DRG2: variants seen among roughly 807,000 people sequenced by gnomAD.
DRG2 encodes the protein developmentally-regulated GTP-binding protein 2.
In DRG2, 36 loss-of-function variants were observed where a neutral mutation model predicts 53.4. The ratio of observed to expected loss-of-function variants is 0.67; its 90% CI spans 0.52 to 0.89. DRG2 has a LOEUF of 0.89. Ranked by LOEUF, DRG2 falls within the 40% of genes least tolerant of loss-of-function variation. The pLI is 0.00. For missense variants in DRG2, 342 were observed against 481.2 expected (o/e 0.71, Z 2.71); for synonymous variants, 167 against 192.1 (o/e 0.87, Z 1.08).
intron 2 of DRG2, among the ~76,000 whole-genome samples, chr17:18,095,027 C>G (rs1243421787): frequency 2.2e-5 from 3 of 135,800 alleles, no homozygotes; most frequent in Non-Finnish European, 4.7e-5. Flanking sequence ...GGAAGTTGCT[C>G]TGTTTAGCGT....
At position 18,099,846 on chromosome 17, in the gene DRG2, G is replaced by A; in HGVS notation, c.467+123G>A. 2 of 983,136 alleles carry A rather than the reference G, an allele frequency of 2.0e-6. No homozygotes were observed. Among genetic ancestry groups the A allele is most frequent in the Non-Finnish European group, 3.1e-6 (2 of 650,752 alleles). The allele number at this position is 983,136 out of a possible 1,614,324, so 60.9% of individuals were successfully genotyped here. ...ACACGTGAGAGTAGTGGTAGGACTT[G>A]TCACAGACTAAACCCAACACCACCC... On this transcript the variant is annotated intron_variant, in intron 5 of 12. Transcript: ENST00000225729. This position sits in a 1 kb window ranked among gnomAD's most constrained non-coding sequence, Gnocchi z 4.4.
rs2045479466 is a variant in DRG2, at chr17:18,098,969, C to T, written c.316-48C>T. On this transcript the variant is annotated intron_variant, in intron 3 of 12. Coordinates refer to ENST00000225729, the MANE Select transcript of DRG2 (RefSeq NM_001388.5). The surrounding 1 kb of genome is among the most constrained non-coding windows in gnomAD (Gnocchi z 4.1). The stretch of plus-strand genomic sequence containing the variant: ...GTCCCAGATCCAGACAGGACCTTTC[C>T]AGTGGAGGCCCAGCCTTGCCTTACC... 1 of 1,606,574 alleles carries T rather than the reference C, an allele frequency of 6.2e-7. No individual in the cohort carries two copies. The highest frequency in any genetic ancestry group is 8.5e-7 in the Non-Finnish European group (1 of 1,173,798).
Position 18,100,720 on chromosome 17 carries a change from A to G in DRG2, c.631+61A>G. On this transcript the variant is annotated intron_variant, in intron 7 of 12. Coordinates refer to ENST00000225729, the MANE Select transcript of DRG2 (RefSeq NM_001388.5). The surrounding 1 kb of genome is among the most constrained non-coding windows in gnomAD (Gnocchi z 4.1). ...CCACCACCGTCAGCGCAGCGGGGGG[A>G]CTGACTAAGACAGGAGGCCTCATGG... 1 of 1,506,046 alleles carries G rather than the reference A, an allele frequency of 6.6e-7. No homozygotes were observed. 93.3% of individuals were successfully genotyped at this position (1,506,046 alleles called of 1,614,324 possible).
intron 1 of DRG2, 84 bp downstream of exon 1, chr17:18,088,171 T>C (rs1197900066): frequency 2.7e-6 from 4 of 1,464,144 alleles, no homozygotes; most frequent in Non-Finnish European, 3.7e-6. Context: ...CCAGCAGTAA[T>C]GCTGGGGCAA....
chr17:18,105,127 G>T (rs1237884057), intron 11 of DRG2, among the ~76,000 whole-genome samples: 1 of 152,140 alleles, frequency 6.6e-6, no homozygotes. Flanking sequence ...GCAGTGAAGA[G>T]TTGGGGTGGG....
intron 11 of DRG2, among the ~76,000 whole-genome samples, chr17:18,104,900 G>A (rs1340964716): frequency 6.6e-6 from 1 of 152,178 alleles, no homozygotes; most frequent in African/African-American, 2.4e-5. Flanking sequence ...GGGGTGTGCT[G>A]CCTGCCCCCT....
In DRG2 at chr17:18,104,756, G is replaced by GC. The variant is rs1193491225; in HGVS notation, c.954+78dup. 8.7e-6 allele frequency: 14 copies of GC among 1,606,934 alleles called. No homozygotes were observed. The Admixed American group carries it at 2.3e-4, about 27-fold the overall frequency. The stretch of plus-strand genomic sequence containing the variant: ...TTTGGGGCTCTGTTCTGCCTGAGGT[G>GC]CCCTGGGCTGGGGGTGGGCTCTGCT... On this transcript the variant is annotated intron_variant, in intron 11 of 12. Transcript: ENST00000225729.
At position 18,099,018 on chromosome 17, in the gene DRG2, A is replaced by G; in HGVS notation, c.317A>G (p.Tyr106Cys). Residue 106 changes from tyrosine (Y) to cysteine (C), a missense_variant and splice_region_variant, in exon 4 of 13, where the codon TAC (tyrosine) becomes TGC (cysteine). Coordinates refer to ENST00000225729, the MANE Select transcript of DRG2 (RefSeq NM_001388.5). This position sits in a 1 kb window ranked among gnomAD's most constrained non-coding sequence, Gnocchi z 4.4. Reference protein sequence around the residue: ...TLTCIPGVIEYKGANIQLLDL... With the variant: ...TLTCIPGVIECKGANIQLLDL... ...CCTTTCTTCTCTTCTGCATCCTAGT[A>G]CAAAGGTGCCAACATCCAGCTCCTG... The G allele has an allele frequency of 6.2e-7, 1 of 1,614,024 alleles. No homozygotes were observed. The highest frequency in any genetic ancestry group is 8.5e-7 in the Non-Finnish European group (1 of 1,179,972).
intron 1 of DRG2, among the ~76,000 whole-genome samples, chr17:18,088,937 G>C (rs776964375): frequency 5.9e-5 from 9 of 152,150 alleles, no homozygotes; most frequent in Non-Finnish European, 1.0e-4. Flanking sequence ...ATGGGACAGT[G>C]AGAACAATCT....
chr17:18,091,459 GC>G (rs2045332720), intron 1 of DRG2, among the ~76,000 whole-genome samples: 1 of 152,112 alleles, frequency 6.6e-6, no homozygotes, highest in South Asian at 2.1e-4. Flanking sequence ...GGTGGCACCA[GC>G]CTGTAGTCCC....
intron 1 of DRG2, among the ~76,000 whole-genome samples, chr17:18,090,523 T>C (rs2045316639): frequency 6.9e-6 from 1 of 144,800 alleles, no homozygotes; most frequent in Admixed American, 7.2e-5. Flanking sequence ...TTCAAGGGAT[T>C]CTCCTGCCTC....
chr17:18,098,958 C>A lies in DRG2; in HGVS notation c.316-59C>A. 2 of 1,595,734 alleles carry A rather than the reference C, an allele frequency of 1.3e-6. No homozygotes were observed. Among genetic ancestry groups the A allele is most frequent in the East Asian group, 2.2e-5 (1 of 44,724 alleles). ...CCATTCCAGATGTCCCAGATCCAGA[C>A]AGGACCTTTCCAGTGGAGGCCCAGC... is the stretch of plus-strand genomic sequence containing the variant. On this transcript the variant is annotated intron_variant, in intron 3 of 12. Coordinates refer to ENST00000225729, the MANE Select transcript of DRG2 (RefSeq NM_001388.5). This position sits in a 1 kb window ranked among gnomAD's most constrained non-coding sequence, Gnocchi z 4.1.
rs1023261980 is a variant in DRG2, at chr17:18,087,984, C to G, written c.-40C>G. 1 of 1,542,588 alleles carries G rather than the reference C, an allele frequency of 6.5e-7. No homozygotes were observed. The highest frequency in any genetic ancestry group is 1.4e-5 in the African/African-American group (1 of 72,660). ...GCCGTCAGACCGGAATTGCCGGTGC[C>G]GCCGCCACCGCTGTCTGTGCGCCCA... On this transcript the variant is annotated 5_prime_UTR_variant, in exon 1 of 13. Coordinates refer to ENST00000225729, the MANE Select transcript of DRG2 (RefSeq NM_001388.5).
rs1297444297 is a variant in DRG2, at chr17:18,098,904, G to A, written c.316-113G>A. 2 of 1,230,144 alleles carry A rather than the reference G, an allele frequency of 1.6e-6. No homozygotes were observed. Among genetic ancestry groups the A allele is most frequent in the East Asian group, 4.7e-5 (2 of 42,456 alleles). The allele number at this position is 1,230,144 out of a possible 1,614,324, so 76.2% of individuals were successfully genotyped here. On this transcript the variant is annotated intron_variant, in intron 3 of 12. Transcript: ENST00000225729. The surrounding 1 kb of genome is among the most constrained non-coding windows in gnomAD (Gnocchi z 4.1). ...CAGACTTGGCCACAGGTTGGCATCT[G>A]GGTTTCCCTCAGCCCCTGAGCCCCG...
Position 18,100,637 on chromosome 17 carries a change from G to A in DRG2, c.609G>A (p.Val203=). ...VTLTQCSEKL[V]QLILHEYKIF... ...TGACCCAGTGCTCGGAAAAGCTGGT[G>A]CAGCTCATCCTGCACGAATACAGTA... The change falls in exon 7 of 13, where the codon GTG becomes GTA. Residue 203 remains valine, a synonymous_variant. Transcript: ENST00000225729. This position sits in a 1 kb window ranked among gnomAD's most constrained non-coding sequence, Gnocchi z 4.1. 1 of 1,614,106 alleles carries A rather than the reference G, an allele frequency of 6.2e-7. No individual in the cohort carries two copies. Among genetic ancestry groups the A allele is most frequent in the Non-Finnish European group, 8.5e-7 (1 of 1,180,010 alleles).
In DRG2 at chr17:18,099,657, T is replaced by A; in HGVS notation, c.401T>A (p.Ile134Asn). Residue 134 changes from isoleucine (I) to asparagine (N), a missense_variant, in exon 5 of 13, where the codon ATC (isoleucine) becomes AAC (asparagine). Physicochemically the swap from Ile to Asn is moderately radical, Grantham distance 149 (BLOSUM62 -3). Transcript: ENST00000225729. This position sits in a 1 kb window ranked among gnomAD's most constrained non-coding sequence, Gnocchi z 4.4. ...GGAAAAGGCCGTGGCCGGCAGGTGA[T>A]CGCTGTGGCGCGCACGGCTGACGTC... ...AQGKGRGRQV[I>N]AVARTADVII... 6.2e-7 allele frequency: 1 copy of A among 1,607,338 alleles called. No homozygotes were observed. Among genetic ancestry groups the A allele is most frequent in the Non-Finnish European group, 8.5e-7 (1 of 1,177,750 alleles).
intron 1 of DRG2, among the ~76,000 whole-genome samples, chr17:18,090,344 T>A (rs2045294162): frequency 7.8e-6 from 1 of 127,816 alleles, no homozygotes; most frequent in Non-Finnish European, 1.6e-5. Flanking sequence ...GGACTACAGG[T>A]GTGCACCACC....
rs2045668922 is a variant in DRG2, at chr17:18,107,734, T to G, written c.*494T>G. 5.7e-6 allele frequency: 1 copy of G among 176,562 alleles called. No homozygotes were observed. The highest frequency in any genetic ancestry group is 1.2e-5 in the Non-Finnish European group (1 of 81,596). 10.9% of individuals were successfully genotyped at this position (176,562 alleles called of 1,614,324 possible). The stretch of plus-strand genomic sequence containing the variant: ...TGGGTGCCCCACACAGGGCTCTCCA[T>G]GATGGGAACCAGTGGTTAGTGGCTT... On this transcript the variant is annotated 3_prime_UTR_variant, in exon 13 of 13. Transcript: ENST00000225729.
chr17:18,103,966 C>T lies in DRG2; in HGVS notation c.895+77C>T, dbSNP rs1249699868. 23 of 1,402,430 alleles carry T rather than the reference C, an allele frequency of 1.6e-5. No individual in the cohort carries two copies. Among genetic ancestry groups the T allele is most frequent in the Non-Finnish European group, 2.2e-5 (22 of 991,026 alleles). The allele number at this position is 1,402,430 out of a possible 1,614,324, so 86.9% of individuals were successfully genotyped here. Reference sequence around the variant, plus strand: ...GGCTGCCAGGCCGGTGTGTGGTGCCCAGAGACCCCAGCACCGGCTCTGGCC... The same window carrying T: ...GGCTGCCAGGCCGGTGTGTGGTGCCTAGAGACCCCAGCACCGGCTCTGGCC... On this transcript the variant is annotated intron_variant, in intron 10 of 12. Coordinates refer to ENST00000225729, the MANE Select transcript of DRG2 (RefSeq NM_001388.5). This position sits in a 1 kb window ranked among gnomAD's most constrained non-coding sequence, Gnocchi z 4.4.
Sources: allele counts gnomAD v4.1 joint callset (sites outside exome capture counted in the v4.1 genomes callset), GRCh38; gene constraint gnomAD v4.1.1; non-coding constraint Gnocchi (gnomAD v3.1); transcripts MANE v1.5; gene names NCBI Gene and HGNC (gene_info 2026-07-23, HGNC 2026-07-21).